Variants in GGH observed in about 807,000 individuals in gnomAD.
The protein encoded by GGH is gamma-Glu-X carboxypeptidase.
A neutral mutation model predicts 39.2 loss-of-function variants in GGH; 18 were observed. The ratio of observed to expected loss-of-function variants is 0.46; its 90% CI spans 0.32 to 0.68. GGH has a LOEUF of 0.68. Among genes scored for constraint, GGH ranks in the 30% least tolerant of loss-of-function variants. The pLI, the probability that GGH is intolerant of heterozygous loss-of-function variation, is 0.04. For missense variants in GGH, 367 were observed against 384.1 expected (o/e 0.96, Z 0.37); for synonymous variants, 147 against 138.8 (o/e 1.06, Z -0.42).
At chr8:63,022,004 C>A (rs986160209) in intron 7 of GGH, among the ~76,000 whole-genome samples, 1 of 152,066 alleles carries the variant, frequency 6.6e-6, no homozygotes, top group Non-Finnish European at 1.5e-5. Flanking sequence ...GCTATCTTTT[C>A]TTCTTAAATC....
In GGH at chr8:63,027,282, T is replaced by C; in HGVS notation, c.276-17A>G. 7.0e-7 allele frequency: 1 copy of C among 1,424,420 alleles called. No homozygotes were observed. The highest frequency in any genetic ancestry group is 1.4e-5 in the African/African-American group (1 of 71,304). The allele number at this position is 1,424,420 out of a possible 1,614,324, so 88.2% of individuals were successfully genotyped here. A position where few individuals can be genotyped will look rare whatever the true frequency, so the allele number is the denominator to read the frequency against. On this transcript the variant is annotated splice_polypyrimidine_tract_variant and intron_variant, in intron 3 of 8. Transcript: ENST00000260118. ...AAAAGGATTCTGAAACAACGTTACA[T>C]AAATCAAATAGGGTGTATTTTGCCA...
At position 63,015,466 on chromosome 8, in the gene GGH, A is replaced by G; in HGVS notation, c.836-13T>C. ...TTGTTTTTCCGAGCTGCAAGAAAAA[A>G]AGTTAATTTTTAAAAAGATCAGATG... On this transcript the variant is annotated splice_polypyrimidine_tract_variant and intron_variant, in intron 8 of 8. Coordinates refer to ENST00000260118, the MANE Select transcript of GGH (RefSeq NM_003878.3). The G allele has an allele frequency of 6.6e-7, 1 of 1,508,326 alleles. No homozygotes were observed. Among genetic ancestry groups the G allele is most frequent in the Non-Finnish European group, 9.0e-7 (1 of 1,106,444 alleles). 93.4% of individuals were successfully genotyped at this position (1,508,326 alleles called of 1,614,324 possible). A position where few individuals can be genotyped will look rare whatever the true frequency, so the allele number is the denominator to read the frequency against.
At position 63,015,394 on chromosome 8, in the gene GGH, G is replaced by T; in HGVS notation, c.895C>A (p.Gln299Lys). The T allele has an allele frequency of 2.1e-6, 3 of 1,443,916 alleles. No individual in the cohort carries two copies. Among genetic ancestry groups the T allele is most frequent in the South Asian group, 1.2e-5 (1 of 83,202 alleles). 89.4% of individuals were successfully genotyped at this position (1,443,916 alleles called of 1,614,324 possible). A position where few individuals can be genotyped will look rare whatever the true frequency, so the allele number is the denominator to read the frequency against. The change falls in exon 9 of 9, where the codon CAG becomes AAG. Residue 299 changes from glutamine to lysine, a missense_variant. Transcript: ENST00000260118. ...TTTCCAGTATAAATTGGACTGAACTGATAAATCAATGCTTTCTCCTCTTCA... is the reference window on the plus strand; with the variant it reads ...TTTCCAGTATAAATTGGACTGAACTTATAAATCAATGCTTTCTCCTCTTCA... Reference protein sequence around the residue: ...ESEEEKALIYQFSPIYTGNIS... With the variant: ...ESEEEKALIYKFSPIYTGNIS...
At chr8:63,017,279 T>C in intron 8 of GGH, 2 of 455,024 alleles carry the variant, frequency 4.4e-6, no homozygotes, top group African/African-American at 4.1e-5. Context: ...CTGAAGCATG[T>C]ATGATAATTG....
intron 7 of GGH, among the ~76,000 whole-genome samples, chr8:63,023,159 A>T (rs1804624725): frequency 6.6e-6 from 1 of 152,184 alleles, no homozygotes; most frequent in African/African-American, 2.4e-5. Flanking sequence ...TGAGAGCATT[A>T]CCAGTCTAAG....
chr8:63,024,551 T>C (rs987484419), intron 5 of GGH: 2 of 163,160 alleles, frequency 1.2e-5, no homozygotes, highest in African/African-American at 4.8e-5. Context: ...CAGGAAAGTA[T>C]CCAAAACTTT....
chr8:63,023,836 T>C, intron 7 of GGH, 71 bp downstream of exon 7: 3 of 1,100,404 alleles, frequency 2.7e-6, no homozygotes, highest in Non-Finnish European at 3.6e-6. Context: ...ATTTTATTGA[T>C]GAGACATATA....
intron 2 of GGH, 81 bp downstream of exon 2, chr8:63,035,574 GA>G: frequency 6.6e-7 from 1 of 1,520,102 alleles, no homozygotes; most frequent in Non-Finnish European, 8.8e-7. Context: ...CAAAGTGCTA[GA>G]ATTACAGGCA....
At chr8:63,035,849 T>C (rs1349081636) in intron 1 of GGH, 79 bp from the exon 2 acceptor site, 3 of 1,194,840 alleles carry the variant, frequency 2.5e-6, no homozygotes. Flanking sequence ...ACAGCAAAAA[T>C]ATCATATTTT....
Position 63,021,774 on chromosome 8 carries a change from A to C in GGH, c.697+2133T>G, listed in dbSNP as rs1314707891. ...CTGAAACCTCCGCCCACTAGGTTCAAGCAATTCTCCTGCCTCAGCCTCCCA... is the reference window on the plus strand; with the variant it reads ...CTGAAACCTCCGCCCACTAGGTTCACGCAATTCTCCTGCCTCAGCCTCCCA... On this transcript the variant is annotated intron_variant, in intron 7 of 8. Coordinates refer to ENST00000260118, the MANE Select transcript of GGH (RefSeq NM_003878.3). 2.0e-5 allele frequency among the ~76,000 whole-genome samples: 3 copies of C among 148,694 alleles called. No individual in the cohort carries two copies. The East Asian group carries it at 6.2e-4, about 31-fold the overall frequency.
intron 5 of GGH, 168 bp from the exon 6 acceptor site, chr8:63,024,354 T>G: frequency 1.9e-6 from 1 of 526,802 alleles, no homozygotes; most frequent in Non-Finnish European, 3.4e-6. Flanking sequence ...AGTCACAAAA[T>G]GTGTTTAACA....
intron 1 of GGH, among the ~76,000 whole-genome samples, chr8:63,037,332 A>G (rs1804929157): frequency 6.6e-6 from 1 of 152,162 alleles, no homozygotes; most frequent in African/African-American, 2.4e-5. Context: ...AGGTACCACA[A>G]AGGAGACATG....
chr8:63,030,889 A>C (rs970372431), intron 2 of GGH, among the ~76,000 whole-genome samples: 1 of 152,174 alleles, frequency 6.6e-6, no homozygotes, highest in Non-Finnish European at 1.5e-5. Context: ...TTTCTCCAGA[A>C]AAAAAAGATG....
chr8:63,030,031 G>T (rs1804774093), intron 3 of GGH, 136 bp downstream of exon 3: 2 of 478,150 alleles, frequency 4.2e-6, no homozygotes, highest in African/African-American at 2.0e-5. Context: ...TCCTATAAAA[G>T]AACTCAGAAC....
At chr8:63,029,743 C>T (rs1309198375) in intron 3 of GGH, among the ~76,000 whole-genome samples, 1 of 151,998 alleles carries the variant, frequency 6.6e-6, no homozygotes, top group Admixed American at 6.6e-5. Flanking sequence ...CTGTAATTAG[C>T]CTTCTTTCCT....
Position 63,024,099 on chromosome 8 carries a change from T to C in GGH, c.587A>G (p.Lys196Arg). 3 of 1,605,212 alleles carry C rather than the reference T, an allele frequency of 1.9e-6. No homozygotes were observed. Among genetic ancestry groups the C allele is most frequent in the Middle Eastern group, 1.7e-4 (1 of 6,048 alleles). ...AVEPLTANFH[K>R]WSLSVKNFTM... Reference sequence around the variant, plus strand: ...TGATACCTTCACGGAGAGGCTCCACTTATGGAAATTGGCAGTCAGAGGTTC... The same window carrying C: ...TGATACCTTCACGGAGAGGCTCCACCTATGGAAATTGGCAGTCAGAGGTTC... The change falls in exon 6 of 9, where the codon AAG becomes AGG. Residue 196 changes from lysine (K) to arginine (R), a missense_variant. Coordinates refer to ENST00000260118, the MANE Select transcript of GGH (RefSeq NM_003878.3).
chr8:63,017,548 A>T lies in GGH; in HGVS notation c.780T>A (p.His260Gln). 3 of 1,611,470 alleles carry T rather than the reference A, an allele frequency of 1.9e-6. No homozygotes were observed. Among genetic ancestry groups the T allele is most frequent in the Non-Finnish European group, 2.5e-6 (3 of 1,177,636 alleles). ...ATGCGGTTTTCACAGCATTAGGTGCATGGGAAATGCCATCCAAATTCTTCC... is the reference window on the plus strand; with the variant it reads ...ATGCGGTTTTCACAGCATTAGGTGCTTGGGAAATGCCATCCAAATTCTTCC... The part of the protein sequence containing the change: ...YEWKNLDGIS[H>Q]APNAVKTAFY... Residue 260 changes from histidine to glutamine, a missense_variant, in exon 8 of 9, where the codon CAT becomes CAA. His to Gln is a conservative substitution (Grantham distance 24). Transcript: ENST00000260118.
chr8:63,035,575 A>G (rs6998383), intron 2 of GGH, 81 bp downstream of exon 2: 1,165,770 of 1,523,004 alleles, frequency 0.77, 450,265 homozygotes, highest in East Asian at 0.98. Context: ...AAAGTGCTAG[A>G]ATTACAGGCA....
At position 63,024,464 on chromosome 8, in the gene GGH, G is replaced by A. The variant is rs1001731379; in HGVS notation, c.500-278C>T. 1.8e-5 allele frequency: 5 copies of A among 274,610 alleles called. No homozygotes were observed. The South Asian group carries it at 3.1e-4, about 17-fold the overall frequency. 17.0% of individuals were successfully genotyped at this position (274,610 alleles called of 1,614,324 possible). A position where few individuals can be genotyped will look rare whatever the true frequency, so the allele number is the denominator to read the frequency against. On this transcript the variant is annotated intron_variant, in intron 5 of 8. Transcript: ENST00000260118. The stretch of plus-strand genomic sequence containing the variant: ...ATGAGTATTGGCAAGCTAAAGAACA[G>A]GCAGGGAATCTTAACTAGATTTCCA...
Sources: allele counts gnomAD v4.1 joint callset (sites outside exome capture counted in the v4.1 genomes callset), GRCh38; gene constraint gnomAD v4.1.1; transcripts MANE v1.5; gene names NCBI Gene and HGNC (gene_info 2026-07-23, HGNC 2026-07-21).